The following PLA2G15 variants were observed in gnomAD, a reference collection of about 807,000 sequenced individuals.
The protein encoded by PLA2G15 is phospholipase A2 group XV.
In PLA2G15, 20 loss-of-function variants were observed where a neutral mutation model predicts 40.9. The ratio of observed to expected loss-of-function variants is 0.49; its 90% CI spans 0.34 to 0.71. The LOEUF is 0.71. Ranked by LOEUF, PLA2G15 falls within the 30% of genes least tolerant of loss-of-function variation. The pLI is 0.01. For synonymous variants in PLA2G15, 223 were observed against 228.2 expected (o/e 0.98, Z 0.21); for missense variants, 471 against 541.9 (o/e 0.87, Z 1.30).
chr16:68,245,525 G>T lies in PLA2G15; in HGVS notation c.99G>T (p.Pro33=). 6.3e-7 allele frequency: 1 copy of T among 1,592,904 alleles called. No homozygotes were observed. The highest frequency in any genetic ancestry group is 8.5e-7 in the Non-Finnish European group (1 of 1,174,446). The stretch of plus-strand genomic sequence containing the variant: ...TGCTGCTCGCGGACCCAGCGCTCCC[G>T]GCCGGACGTCACCCCCCAGTGGTGC... ...LLMLLADPAL[P]AGRHPPVVLV... The change falls in exon 1 of 6, where the codon CCG becomes CCT. Residue 33 remains proline, a synonymous_variant. Coordinates refer to ENST00000219345, the MANE Select transcript of PLA2G15 (RefSeq NM_012320.4).
At position 68,255,394 on chromosome 16, in the gene PLA2G15, C is replaced by G. The variant is rs769319449; in HGVS notation, c.502+14C>G. 4.4e-5 allele frequency: 69 copies of G among 1,579,998 alleles called. No homozygotes were observed. The highest frequency in any genetic ancestry group is 1.7e-4 in the Middle Eastern group (1 of 5,930). ...GCCGAGCCCCAAGTAAGCAGGCACTCTCATTCCCTCCCTGACGTCTCGGGA... is the reference window on the plus strand; with the variant it reads ...GCCGAGCCCCAAGTAAGCAGGCACTGTCATTCCCTCCCTGACGTCTCGGGA... On this transcript the variant is annotated intron_variant, in intron 4 of 5. Transcript: ENST00000219345. The surrounding 1 kb of genome is among the most constrained non-coding windows in gnomAD (Gnocchi z 5.9).
Position 68,260,568 on chromosome 16 carries a change from A to C in PLA2G15, c.*911A>C, listed in dbSNP as rs571034774. 2 of 152,530 alleles carry C rather than the reference A, an allele frequency of 1.3e-5. No individual in the cohort carries two copies. Among genetic ancestry groups the C allele is most frequent in the South Asian group, 4.1e-4 (2 of 4,828 alleles). The allele number at this position is 152,530 out of a possible 1,614,324, so 9.4% of individuals were successfully genotyped here. On this transcript the variant is annotated 3_prime_UTR_variant, in exon 6 of 6. Coordinates refer to ENST00000219345, the MANE Select transcript of PLA2G15 (RefSeq NM_012320.4). ...CTGAGCTGCACCTCTTGCTAACCCC[A>C]CCATCACACTGCCACCCTGCCCTAG...
Position 68,255,924 on chromosome 16 carries a change from C to G in PLA2G15, c.661C>G (p.Arg221Gly), listed in dbSNP as rs750339463. Reference sequence around the variant, plus strand: ...GCAGGCCTGGAAGGACAAGTATATCCGGGCCTTCGTGTCACTGGGTGCGCC... The same window carrying G: ...GCAGGCCTGGAAGGACAAGTATATCGGGGCCTTCGTGTCACTGGGTGCGCC... ...QPQAWKDKYI[R>G]AFVSLGAPWG... Residue 221 changes from arginine (R) to glycine (G), a missense_variant, in exon 5 of 6, where the codon CGG becomes GGG. Transcript: ENST00000219345. This position sits in a 1 kb window ranked among gnomAD's most constrained non-coding sequence, Gnocchi z 5.9. 1.2e-6 allele frequency: 2 copies of G among 1,613,140 alleles called. No individual in the cohort carries two copies. The highest frequency in any genetic ancestry group is 1.7e-6 in the Non-Finnish European group (2 of 1,179,942).
Position 68,245,621 on chromosome 16 carries a change from C to T in PLA2G15, c.127+68C>T, listed in dbSNP as rs1444819567. Reference sequence around the variant, plus strand: ...CGGGCCGCGGGCGGGGCTGCCTTCCCGGTCTGCTTCTGTTCCAGTCACGAA... The same window carrying T: ...CGGGCCGCGGGCGGGGCTGCCTTCCTGGTCTGCTTCTGTTCCAGTCACGAA... On this transcript the variant is annotated intron_variant, in intron 1 of 5. Transcript: ENST00000219345. The T allele has an allele frequency of 5.3e-6, 8 of 1,500,706 alleles. No individual in the cohort carries two copies. In the South Asian group the frequency reaches 8.4e-5, roughly 16 times the overall value. The allele number at this position is 1,500,706 out of a possible 1,614,324, so 93.0% of individuals were successfully genotyped here.
chr16:68,255,951 TG>T lies in PLA2G15; in HGVS notation c.695del (p.Gly232AlafsTer23). The T allele has an allele frequency of 1.2e-6, 2 of 1,611,514 alleles. No homozygotes were observed. Among genetic ancestry groups the T allele is most frequent in the Non-Finnish European group, 8.5e-7 (1 of 1,179,466 alleles). ...IRAFVSLGAP[W>X]GGVAKTLRVL... Reference sequence around the variant, plus strand: ...GGCCTTCGTGTCACTGGGTGCGCCCTGGGGGGGCGTGGCCAAGACCCTGCGC... The same window carrying T: ...GGCCTTCGTGTCACTGGGTGCGCCCTGGGGGGCGTGGCCAAGACCCTGCGC... On this transcript the variant is annotated frameshift_variant, in exon 5 of 6. Transcript: ENST00000219345. LOFTEE classifies it high-confidence loss of function. This position sits in a 1 kb window ranked among gnomAD's most constrained non-coding sequence, Gnocchi z 5.9.
At position 68,260,834 on chromosome 16, in the gene PLA2G15, G is replaced by C. The variant is rs1044792590; in HGVS notation, c.*1177G>C. On this transcript the variant is annotated 3_prime_UTR_variant, in exon 6 of 6. Coordinates refer to ENST00000219345, the MANE Select transcript of PLA2G15 (RefSeq NM_012320.4). ...CTTCATGGCAGTAGGCTCTAAGTGG[G>C]TGACTGGCCACAGGCCGAGAAAAGG... 6.6e-6 allele frequency: 1 copy of C among 152,346 alleles called. No homozygotes were observed. The highest frequency in any genetic ancestry group is 1.5e-5 in the Non-Finnish European group (1 of 68,112). 9.4% of individuals were successfully genotyped at this position (152,346 alleles called of 1,614,324 possible).
At chr16:68,251,333 A>G (rs1011434693) in intron 2 of PLA2G15, among the ~76,000 whole-genome samples, 6 of 152,218 alleles carry the variant, frequency 3.9e-5, no homozygotes, top group African/African-American at 1.4e-4. Context: ...CAGTAGAACC[A>G]GAAACACAGT....
At chr16:68,258,273 G>T (rs1046396120) in intron 5 of PLA2G15, among the ~76,000 whole-genome samples, 2 of 152,216 alleles carry the variant, frequency 1.3e-5, no homozygotes, top group African/African-American at 4.8e-5. Flanking sequence ...GGCCACGGCT[G>T]GCTGAACGCT....
chr16:68,249,533 G>C (rs916992752), intron 2 of PLA2G15, 87 bp downstream of exon 2: 43 of 1,290,046 alleles, frequency 3.3e-5, no homozygotes, highest in Non-Finnish European at 4.6e-5. Flanking sequence ...TCCTCATCTC[G>C]AGGTCACTGA....
Position 68,255,064 on chromosome 16 carries a change from G to A in PLA2G15, c.403+27G>A, listed in dbSNP as rs758744669. ...TATGTAGCCCTTACTCAAGGCCTCCGGGAGCTGGGATGGGGTTTCTGCCGG... is the reference window on the plus strand; with the variant it reads ...TATGTAGCCCTTACTCAAGGCCTCCAGGAGCTGGGATGGGGTTTCTGCCGG... On this transcript the variant is annotated intron_variant, in intron 3 of 5. Coordinates refer to ENST00000219345, the MANE Select transcript of PLA2G15 (RefSeq NM_012320.4). This position sits in a 1 kb window ranked among gnomAD's most constrained non-coding sequence, Gnocchi z 5.9. The A allele has an allele frequency of 9.0e-6, 13 of 1,451,344 alleles. No homozygotes were observed. The highest frequency in any genetic ancestry group is 2.3e-5 in the East Asian group (1 of 44,114). The allele number at this position is 1,451,344 out of a possible 1,614,324, so 89.9% of individuals were successfully genotyped here. A position where few individuals can be genotyped will look rare whatever the true frequency, so the allele number is the denominator to read the frequency against.
intron 2 of PLA2G15, among the ~76,000 whole-genome samples, chr16:68,252,359 G>C (rs1476983695): frequency 6.6e-6 from 1 of 152,120 alleles, no homozygotes; most frequent in African/African-American, 2.4e-5. Flanking sequence ...AGAAACTCCA[G>C]GTTCCTGTGT....
intron 5 of PLA2G15, chr16:68,258,906 G>T: frequency 1.9e-6 from 1 of 520,522 alleles, no homozygotes. Flanking sequence ...GCTGCTGTGA[G>T]CCGTGATCAT....
At chr16:68,245,574 T>C (rs1276356989) in intron 1 of PLA2G15, 21 bp downstream of exon 1, 1 of 1,561,070 alleles carries the variant, frequency 6.4e-7, no homozygotes, top group Non-Finnish European at 8.6e-7. Context: ...GGTCTCGTGG[T>C]GGATCTGTCG....
In PLA2G15 at chr16:68,249,389, G is replaced by A; in HGVS notation, c.227G>A (p.Trp76Ter). ...SKKTESYFTIWLNLELLLPVI... is the reference protein window; with the variant it reads ...SKKTESYFTI ...AAGACCGAAAGCTACTTCACAATCT[G>A]GCTGAACCTGGAACTGCTGCTGCCT... Residue 76 changes from tryptophan to a stop codon, truncating the protein, a stop_gained, in exon 2 of 6, where the codon TGG (tryptophan) becomes TAG (stop). Coordinates refer to ENST00000219345, the MANE Select transcript of PLA2G15 (RefSeq NM_012320.4). LOFTEE classifies it high-confidence loss of function. The A allele has an allele frequency of 3.1e-6, 5 of 1,614,128 alleles. No homozygotes were observed. Among genetic ancestry groups the A allele is most frequent in the Non-Finnish European group, 4.2e-6 (5 of 1,180,008 alleles).
At chr16:68,252,374 G>A (rs1596945863) in intron 2 of PLA2G15, among the ~76,000 whole-genome samples, 1 of 152,238 alleles carries the variant, frequency 6.6e-6, no homozygotes. Flanking sequence ...CTGTGTTTTG[G>A]GGGCACATTT....
Position 68,255,923 on chromosome 16 carries a change from C to T in PLA2G15, c.660C>T (p.Ile220=). The T allele has an allele frequency of 6.2e-7, 1 of 1,613,200 alleles. No homozygotes were observed. Among genetic ancestry groups the T allele is most frequent in the Non-Finnish European group, 8.5e-7 (1 of 1,179,956 alleles). ...CGCAGGCCTGGAAGGACAAGTATAT[C>T]CGGGCCTTCGTGTCACTGGGTGCGC... ...RQPQAWKDKY[I]RAFVSLGAPW... Residue 220 remains isoleucine (I), a synonymous_variant, in exon 5 of 6, where the codon ATC becomes ATT. Transcript: ENST00000219345. The surrounding 1 kb of genome is among the most constrained non-coding windows in gnomAD (Gnocchi z 5.9).
rs2042423163 is a variant in PLA2G15 at position 68,259,132 on chromosome 16, C to T, written c.728-14C>T. On this transcript the variant is annotated splice_polypyrimidine_tract_variant and intron_variant, in intron 5 of 5. Coordinates refer to ENST00000219345, the MANE Select transcript of PLA2G15 (RefSeq NM_012320.4). The surrounding 1 kb of genome is among the most constrained non-coding windows in gnomAD (Gnocchi z 6.5). ...ATTCCTAAGCACAGACTGACCAGAG[C>T]CTTCTCCCTGCAGGAGACAACAACC... The T allele has an allele frequency of 3.7e-6, 6 of 1,601,356 alleles. No individual in the cohort carries two copies. The highest frequency in any genetic ancestry group is 4.3e-6 in the Non-Finnish European group (5 of 1,173,504).
At chr16:68,254,160 C>T (rs898692588) in intron 2 of PLA2G15, among the ~76,000 whole-genome samples, 3 of 151,976 alleles carry the variant, frequency 2.0e-5, no homozygotes, top group African/African-American at 7.3e-5. Context: ...ACTTCCTTCT[C>T]CCAACCAGGT....
In PLA2G15 at chr16:68,249,327, G is replaced by C; in HGVS notation, c.165G>C (p.Leu55=). 6.2e-7 allele frequency: 1 copy of C among 1,614,098 alleles called. No individual in the cohort carries two copies. The highest frequency in any genetic ancestry group is 8.5e-7 in the Non-Finnish European group (1 of 1,179,964). Residue 55 remains leucine, a synonymous_variant, in exon 2 of 6, where the codon CTG becomes CTC. Coordinates refer to ENST00000219345, the MANE Select transcript of PLA2G15 (RefSeq NM_012320.4). ...TGGGTAACCAACTGGAAGCCAAGCT[G>C]GACAAGCCGACAGTGGTGCACTACC... is the stretch of plus-strand genomic sequence containing the variant. ...GDLGNQLEAK[L]DKPTVVHYLC...
Sources: gnomAD v4.1 joint callset for allele counts (sites outside exome capture counted in the v4.1 genomes callset) on GRCh38, gnomAD v4.1.1 for gene constraint, Gnocchi (gnomAD v3.1) non-coding constraint, MANE v1.5 for transcripts, NCBI Gene and HGNC (gene_info 2026-07-23, HGNC 2026-07-21) for gene names.